Variants in TNS1 observed in about 807,000 individuals in gnomAD.
TNS1 encodes the protein tensin-1.
Under a neutral mutation model 168.6 loss-of-function variants are expected in TNS1, and 62 were observed. That is an observed-to-expected ratio of 0.37 (90% confidence interval 0.30 to 0.45). The LOEUF (loss-of-function observed/expected upper bound fraction) is 0.45, where lower values mean the gene tolerates loss of function less well. Among genes scored for constraint, TNS1 ranks in the 20% least tolerant of loss-of-function variants. The probability of loss-of-function intolerance (pLI) is 1.00; values close to 1 mark genes in which losing one functional copy is unlikely to be tolerated. For synonymous variants in TNS1, 934 were observed against 933.2 expected (o/e 1.00, Z -0.02); for missense variants, 2,240 against 2,339.4 (o/e 0.96, Z 0.88).
At chr2:217,906,965 G>C (rs988948972) in intron 5 of TNS1, among the ~76,000 whole-genome samples, 1 of 151,934 alleles carries the variant, frequency 6.6e-6, no homozygotes, top group East Asian at 1.9e-4. Context: ...CTCCCACCCT[G>C]CCCCTCCCTC....
At chr2:217,877,959 C>T (rs914967141) in intron 18 of TNS1, among the ~76,000 whole-genome samples, 1 of 152,210 alleles carries the variant, frequency 6.6e-6, no homozygotes. Context: ...TACTATCACC[C>T]TCCCGCAGTG....
At chr2:217,970,346 AAAACATT>A (rs1334772817) in intron 3 of TNS1, among the ~76,000 whole-genome samples, 1 of 152,256 alleles carries the variant, frequency 6.6e-6, no homozygotes, top group African/African-American at 2.4e-5. Flanking sequence ...GCAGCTCCTC[AAAACATT>A]AAACATAGAG....
intron 1 of TNS1, among the ~76,000 whole-genome samples, chr2:218,020,271 C>G (rs890618717): frequency 6.6e-6 from 1 of 151,984 alleles, no homozygotes; most frequent in African/African-American, 2.4e-5. Flanking sequence ...AGGCCCAATA[C>G]GCCAGCCCCT....
chr2:217,809,817 T>C lies in TNS1; in HGVS notation c.5273+6A>G. The C allele has an allele frequency of 3.7e-6, 6 of 1,603,604 alleles. No individual in the cohort carries two copies. The highest frequency in any genetic ancestry group is 5.1e-6 in the Non-Finnish European group (6 of 1,173,562). On this transcript the variant is annotated splice_donor_region_variant and intron_variant, in intron 30 of 32. Coordinates refer to ENST00000682258, the MANE Select transcript of TNS1 (RefSeq NM_001387777.1). Reference sequence around the variant, plus strand: ...CCCCACCGAGGAGCAGGCAGGGGAGTCTTACTTTCTCTGGTTGTCAGTCAG... The same window carrying C: ...CCCCACCGAGGAGCAGGCAGGGGAGCCTTACTTTCTCTGGTTGTCAGTCAG...
At chr2:217,809,146 A>G (rs1209143474) in intron 30 of TNS1, among the ~76,000 whole-genome samples, 1 of 152,144 alleles carries the variant, frequency 6.6e-6, no homozygotes, top group African/African-American at 2.4e-5. Flanking sequence ...GTGGTAAGGG[A>G]TAGATGAGGG....
In TNS1 at chr2:218,000,944, G is replaced by A. The variant is rs184707042; in HGVS notation, c.33+1896C>T. 2.6e-3 allele frequency among the ~76,000 whole-genome samples: 394 copies of A among 152,292 alleles called. 1 individual carries two copies. Among genetic ancestry groups the A allele is most frequent in the Admixed American group, 5.0e-3 (76 of 15,302 alleles). On this transcript the variant is annotated intron_variant, in intron 1 of 32. Transcript: ENST00000682258. The stretch of plus-strand genomic sequence containing the variant: ...AGACGGGAGGATCACTTGAGGTCAG[G>A]AGTTCGAGGCCAGCCTGGCCAACAC...
intron 18 of TNS1, among the ~76,000 whole-genome samples, chr2:217,864,144 A>G (rs1949044775): frequency 6.6e-6 from 1 of 152,174 alleles, no homozygotes; most frequent in African/African-American, 2.4e-5. Flanking sequence ...TCCCAGGCAG[A>G]TGTTTGTGTT....
At chr2:217,875,851 GC>G (rs1252923159) in intron 18 of TNS1, among the ~76,000 whole-genome samples, 1 of 152,132 alleles carries the variant, frequency 6.6e-6, no homozygotes, top group Non-Finnish European at 1.5e-5. Context: ...CAAAACCAAG[GC>G]CCCCTGTCAC....
At chr2:217,825,434 T>A (rs1162604645) in intron 22 of TNS1, among the ~76,000 whole-genome samples, 3 of 152,098 alleles carry the variant, frequency 2.0e-5, no homozygotes, top group Non-Finnish European at 4.4e-5. Context: ...TGCTTTACCA[T>A]CCCTCACTGC....
At chr2:217,893,370 G>GCA in intron 10 of TNS1, 69 bp downstream of exon 10, 13 of 1,505,618 alleles carry the variant, frequency 8.6e-6, no homozygotes, top group South Asian at 1.3e-5. Context: ...ACACATTCAG[G>GCA]CACACACACA....
At chr2:217,834,106 G>A (rs563417813) in intron 21 of TNS1, among the ~76,000 whole-genome samples, 1 of 152,214 alleles carries the variant, frequency 6.6e-6, no homozygotes, top group African/African-American at 2.4e-5. Flanking sequence ...TCAAGGGAGA[G>A]CCACGGCTTC....
intron 2 of TNS1, among the ~76,000 whole-genome samples, chr2:217,979,101 C>A (rs35968714): frequency 0.02 from 3,082 of 152,148 alleles, 115 homozygotes; most frequent in African/African-American, 0.068. Flanking sequence ...CCCCACTGGA[C>A]CCCTGCCAGG....
chr2:217,859,076 T>TCCCAGTGTAGCCCAGCCCAGC (rs1948534671), intron 18 of TNS1, among the ~76,000 whole-genome samples: 1 of 145,198 alleles, frequency 6.9e-6, no homozygotes, highest in Non-Finnish European at 1.5e-5. Flanking sequence ...CCCAGCCCAG[T>TCCCAGTGTAGCCCAGCCCAGC]CCCAGTGTAG....
At chr2:217,835,775 C>T (rs1345009032) in intron 20 of TNS1, among the ~76,000 whole-genome samples, 1 of 152,150 alleles carries the variant, frequency 6.6e-6, no homozygotes. Flanking sequence ...TATTAAGGCA[C>T]TCTCTCTAGG....
intron 1 of TNS1, among the ~76,000 whole-genome samples, chr2:217,991,782 C>G (rs1958372076): frequency 6.6e-6 from 1 of 152,196 alleles, no homozygotes; most frequent in African/African-American, 2.4e-5. Flanking sequence ...ATTCCACCCT[C>G]TCCACCATCC....
chr2:218,012,804 C>T (rs1958717185), upstream of TNS1, among the ~76,000 whole-genome samples: 1 of 152,198 alleles, frequency 6.6e-6, no homozygotes, highest in Admixed American at 6.5e-5. Context: ...ACTCCAGAAC[C>T]TCCTGAAAGA....
chr2:217,891,427 G>A (rs1451772158), intron 11 of TNS1, among the ~76,000 whole-genome samples: 5 of 152,202 alleles, frequency 3.3e-5, no homozygotes, highest in African/African-American at 7.2e-5. Flanking sequence ...GAGATGAAGT[G>A]AGGGAATATC....
rs1937400641 is a variant in TNS1, at chr2:217,800,950, A to T, written c.*3509T>A. On this transcript the variant is annotated 3_prime_UTR_variant, in exon 33 of 33. Coordinates refer to ENST00000682258, the MANE Select transcript of TNS1 (RefSeq NM_001387777.1). ...CTCACTAACCTCCTGAGAGCCGTTTATAGGGGGATCACACTTGTCCAGGAG... is the reference window on the plus strand; with the variant it reads ...CTCACTAACCTCCTGAGAGCCGTTTTTAGGGGGATCACACTTGTCCAGGAG... 1 of 152,198 alleles carries T rather than the reference A, an allele frequency of 6.6e-6. No homozygotes were observed. The highest frequency in any genetic ancestry group is 1.5e-5 in the Non-Finnish European group (1 of 68,066). 9.4% of individuals were successfully genotyped at this position (152,198 alleles called of 1,614,324 possible).
intron 25 of TNS1, among the ~76,000 whole-genome samples, chr2:217,814,363 G>A (rs991752653): frequency 4.6e-5 from 7 of 152,072 alleles, no homozygotes; most frequent in Admixed American, 1.3e-4. Context: ...TTCAGGCTTC[G>A]CAGGCCATGC....
Sources: gnomAD v4.1 joint callset for allele counts (sites outside exome capture counted in the v4.1 genomes callset) on GRCh38, gnomAD v4.1.1 for gene constraint, MANE v1.5 for transcripts, NCBI Gene and HGNC (gene_info 2026-07-23, HGNC 2026-07-21) for gene names.